BRD10: variants seen among roughly 807,000 people sequenced by gnomAD.
BRD10 encodes bromodomain containing 10.
the BRD10 span, among the ~76,000 whole-genome samples, chr9:5,913,440 T>G: frequency 6.6e-6 from 1 of 152,164 alleles, no homozygotes; most frequent in Non-Finnish European, 1.5e-5. Flanking sequence ...CAAAAGAACT[T>G]TCAGAAGGAA....
the BRD10 span, among the ~76,000 whole-genome samples, chr9:5,938,303 G>A: frequency 6.6e-6 from 1 of 152,022 alleles, no homozygotes; most frequent in African/African-American, 2.4e-5. Flanking sequence ...TTAGCCAGGT[G>A]TGGTGGTTTG....
chr9:5,933,945 T>C, the BRD10 span: 2 of 438,820 alleles, frequency 4.6e-6, no homozygotes, highest in Non-Finnish European at 9.3e-6. Flanking sequence ...ACAACAAATA[T>C]ATTTTGCACA....
the BRD10 span, chr9:5,921,303 G>A: frequency 1.2e-6 from 2 of 1,613,886 alleles, no homozygotes; most frequent in Non-Finnish European, 1.7e-6. Flanking sequence ...GACACAGCTG[G>A]TGATGAATTT....
the BRD10 span, chr9:6,008,275 CT>C: frequency 3.5e-5 from 34 of 984,568 alleles, no homozygotes; most frequent in Middle Eastern, 5.2e-4. Flanking sequence ...TCCCGCCCCC[CT>C]CTACCTGCGG....
the BRD10 span, among the ~76,000 whole-genome samples, chr9:5,911,746 G>A: frequency 5.9e-5 from 9 of 151,844 alleles, no homozygotes; most frequent in South Asian, 1.9e-3. Flanking sequence ...TGTCGGCCAG[G>A]CTGGTCTTGA....
the BRD10 span, among the ~76,000 whole-genome samples, chr9:6,005,037 T>A: frequency 6.6e-6 from 1 of 152,118 alleles, no homozygotes; most frequent in Non-Finnish European, 1.5e-5. Flanking sequence ...CCTAAGAATG[T>A]CAGAAATACA....
the BRD10 span, chr9:5,922,274 G>A: frequency 3.1e-6 from 5 of 1,613,912 alleles, no homozygotes; most frequent in Non-Finnish European, 4.2e-6. Flanking sequence ...CCCATTTAGT[G>A]TTGTTGTTGA....
chr9:5,942,877 TTTC>T, the BRD10 span, among the ~76,000 whole-genome samples: 1 of 152,160 alleles, frequency 6.6e-6, no homozygotes, highest in African/African-American at 2.4e-5. Context: ...TAGTTTATGC[TTTC>T]TTCTTCTGTT....
chr9:5,887,056 C>T, the BRD10 span, among the ~76,000 whole-genome samples: 5 of 152,192 alleles, frequency 3.3e-5, no homozygotes, highest in South Asian at 2.1e-4. Flanking sequence ...GTCAGGAGTT[C>T]GAGACCAGCC....
the BRD10 span, chr9:5,988,594 A>C: frequency 3.6e-6 from 5 of 1,385,424 alleles, no homozygotes; most frequent in Non-Finnish European, 5.1e-6. Flanking sequence ...CTGGATAAGC[A>C]ATAAACCCCC....
chr9:5,986,059 C>T, the BRD10 span, among the ~76,000 whole-genome samples: 2 of 152,146 alleles, frequency 1.3e-5, no homozygotes, highest in Non-Finnish European at 2.9e-5. Flanking sequence ...TTTGCTGCAC[C>T]TATCAACCCA....
the BRD10 span, among the ~76,000 whole-genome samples, chr9:5,961,916 T>A: frequency 1.3e-5 from 2 of 151,378 alleles, no homozygotes; most frequent in African/African-American, 4.8e-5. Flanking sequence ...TTGTTGATCC[T>A]TTCAAAAAAC....
the BRD10 span, among the ~76,000 whole-genome samples, chr9:5,994,349 GA>G: frequency 6.6e-6 from 1 of 152,162 alleles, no homozygotes; most frequent in African/African-American, 2.4e-5. Flanking sequence ...GCCAGATCAT[GA>G]AAGTCTGGAG....
the BRD10 span, among the ~76,000 whole-genome samples, chr9:6,001,284 C>T: frequency 6.6e-6 from 1 of 152,102 alleles, no homozygotes; most frequent in African/African-American, 2.4e-5. Flanking sequence ...TGCCTTCAAA[C>T]CTCAAAATAC....
At chr9:5,923,103 G>C in the BRD10 span, 2,973 of 1,613,946 alleles carry the variant, frequency 1.8e-3, 5 homozygotes, top group Middle Eastern at 2.1e-3. Context: ...TCACTTTCTA[G>C]ATTCTCAACT....
chr9:5,887,097 A>G, the BRD10 span, among the ~76,000 whole-genome samples: 1 of 152,138 alleles, frequency 6.6e-6, no homozygotes, highest in Non-Finnish European at 1.5e-5. Context: ...TGTCTCTACT[A>G]AAAATACAAA....
the BRD10 span, chr9:5,920,608 T>C: frequency 1.1e-5 from 17 of 1,613,876 alleles, 1 homozygote; most frequent in Admixed American, 1.0e-4. Flanking sequence ...TTGTTGGCAC[T>C]GTAGTTGAAA....
chr9:6,007,065 G>C, the BRD10 span: 1 of 893,812 alleles, frequency 1.1e-6, no homozygotes, highest in East Asian at 2.6e-5. Context: ...TCCTCCTCCC[G>C]GGCTTCTCCA....
chr9:5,956,169 C>G, the BRD10 span, among the ~76,000 whole-genome samples: 3 of 152,162 alleles, frequency 2.0e-5, no homozygotes, highest in African/African-American at 7.2e-5. Context: ...ATAAGCACAA[C>G]AGAGGTCACC....
Sources: allele counts gnomAD v4.1 joint callset (sites outside exome capture counted in the v4.1 genomes callset), GRCh38; gene constraint gnomAD v4.1.1; transcripts MANE v1.5; gene names NCBI Gene and HGNC (gene_info 2026-07-23, HGNC 2026-07-21).